PCNT: variants seen among roughly 807,000 people sequenced by gnomAD.
PCNT encodes the protein kendrin.
PCNT carries 319 observed loss-of-function variants against 380.4 expected under a neutral mutation model. The ratio of observed to expected loss-of-function variants is 0.84; its 90% CI spans 0.77 to 0.92. The LOEUF is 0.92. Among genes scored for constraint, PCNT ranks in the 40% least tolerant of loss-of-function variants. The pLI is 0.00. For synonymous variants in PCNT, 1,845 were observed against 1,735.2 expected (o/e 1.06, Z -1.57); for missense variants, 4,400 against 4,255.3 (o/e 1.03, Z -0.95).
chr21:46,360,428 C>T (rs534117645), intron 13 of PCNT, among the ~76,000 whole-genome samples: 2 of 143,444 alleles, frequency 1.4e-5, no homozygotes, highest in East Asian at 2.2e-4. Context: ...GAGGTTTCAC[C>T]GTGTTAGGAT....
rs1211115206 is a variant in PCNT, at chr21:46,422,016, C to G, written c.7071C>G (p.Gly2357=). The part of the protein sequence containing the change: ...FGARLSPGSG[G]PEAQTAGPVT... ...CAAGACTGAGCCCGGGGTCAGGAGG[C>G]CCTGAGGCTCAAACTGCTGGTCCTG... Residue 2357 remains glycine, a synonymous_variant, in exon 32 of 47, where the codon GGC becomes GGG. Coordinates refer to ENST00000359568, the MANE Select transcript of PCNT (RefSeq NM_006031.6). The G allele has an allele frequency of 5.0e-6, 8 of 1,614,022 alleles. No individual in the cohort carries two copies. The highest frequency in any genetic ancestry group is 6.8e-6 in the Non-Finnish European group (8 of 1,180,008).
chr21:46,386,434 G>A lies in PCNT; in HGVS notation c.3464+451G>A, dbSNP rs531959198. Among the ~76,000 whole-genome samples, 106 of 152,336 alleles carry A rather than the reference G, an allele frequency of 7.0e-4. 1 individual carries two copies. The highest frequency in any genetic ancestry group is 3.9e-3 in the Admixed American group (60 of 15,302). On this transcript the variant is annotated intron_variant, in intron 17 of 46. Transcript: ENST00000359568. Reference sequence around the variant, plus strand: ...CTCTGTGACGTGTGTTTCTGAGACCGGCCCAAGCAGGGGCCGTAGCCCTGT... The same window carrying A: ...CTCTGTGACGTGTGTTTCTGAGACCAGCCCAAGCAGGGGCCGTAGCCCTGT...
chr21:46,352,341 C>T (rs148024408), intron 9 of PCNT, among the ~76,000 whole-genome samples: 1 of 152,322 alleles, frequency 6.6e-6, no homozygotes, highest in Non-Finnish European at 1.5e-5. Flanking sequence ...CAGCTGAGAG[C>T]ATGTCGATTT....
At chr21:46,350,378 A>G (rs971855711) in intron 8 of PCNT, among the ~76,000 whole-genome samples, 1 of 152,098 alleles carries the variant, frequency 6.6e-6, no homozygotes, top group South Asian at 2.1e-4. Flanking sequence ...CACATCCTCT[A>G]ACCGTGATCC....
intron 3 of PCNT, among the ~76,000 whole-genome samples, chr21:46,337,756 A>G (rs1459506075): frequency 6.8e-6 from 1 of 148,140 alleles, no homozygotes; most frequent in African/African-American, 2.5e-5. Context: ...CTAGTTTTGT[A>G]TTTTTAGTAG....
chr21:46,354,555 A>G (rs2084403481), intron 11 of PCNT, among the ~76,000 whole-genome samples: 1 of 152,212 alleles, frequency 6.6e-6, no homozygotes, highest in Admixed American at 6.5e-5. Context: ...TGTGGTGCCC[A>G]GCAGTATGTG....
intron 15 of PCNT, 75 bp downstream of exon 15, chr21:46,367,214 A>G (rs1414435066): frequency 1.6e-6 from 2 of 1,277,784 alleles, no homozygotes; most frequent in Non-Finnish European, 2.2e-6. Flanking sequence ...CGCGTGTCAC[A>G]TGTCTGCGTG....
In PCNT at chr21:46,355,437, G is replaced by A. The variant is rs202150884; in HGVS notation, c.1762-15G>A. On this transcript the variant is annotated splice_polypyrimidine_tract_variant and intron_variant, in intron 11 of 46. Coordinates refer to ENST00000359568, the MANE Select transcript of PCNT (RefSeq NM_006031.6). ...TGGCTCACTAACGTGCTTGTCCCAC[G>A]TGGTTTCTCTGTAGGAGAGCCTGCC... 195 of 1,613,140 alleles carry A rather than the reference G, an allele frequency of 1.2e-4. No homozygotes were observed. Among genetic ancestry groups the A allele is most frequent in the African/African-American group, 1.1e-3 (83 of 75,060 alleles).
At chr21:46,332,155 T>C (rs1022111756) in intron 2 of PCNT, among the ~76,000 whole-genome samples, 1 of 152,180 alleles carries the variant, frequency 6.6e-6, no homozygotes, top group East Asian at 1.9e-4. Flanking sequence ...AGCGAGACTT[T>C]ATCTCCAAAA....
intron 27 of PCNT, 139 bp downstream of exon 27, chr21:46,402,622 A>G: frequency 2.3e-6 from 2 of 854,696 alleles, no homozygotes; most frequent in South Asian, 2.8e-5. Flanking sequence ...GACAGTGCAG[A>G]GAGCGCCCGA....
intron 29 of PCNT, among the ~76,000 whole-genome samples, chr21:46,413,380 C>T (rs971623593): frequency 9.9e-5 from 15 of 151,964 alleles, no homozygotes; most frequent in African/African-American, 3.6e-4. Flanking sequence ...GCGTGAGGCC[C>T]CCCTGGGAGA....
At chr21:46,397,239 C>T (rs535378258) in intron 21 of PCNT, 26 bp from the exon 22 acceptor site, 30 of 1,583,542 alleles carry the variant, frequency 1.9e-5, no homozygotes, top group South Asian at 1.8e-4. Context: ...GGGGTGTCCC[C>T]GTGTCTGTCC....
At chr21:46,384,713 G>A (rs367783636) in intron 16 of PCNT, among the ~76,000 whole-genome samples, 5 of 141,458 alleles carry the variant, frequency 3.5e-5, no homozygotes, top group African/African-American at 7.6e-5. Flanking sequence ...TGCGTTGAGC[G>A]GCGGAAACAC....
rs1324171225 is a variant in PCNT, at chr21:46,390,756, C to G, written c.3927C>G (p.His1309Gln). 4 of 1,613,222 alleles carry G rather than the reference C, an allele frequency of 2.5e-6. No homozygotes were observed. The African/African-American group carries it at 5.3e-5, about 22-fold the overall frequency. ...AGACAGCACAGGTTGTCAGGAAGCA[C>G]CAGGAGCTGCTGGAGTGTTTGAAGG... ...NEETAQVVRK[H>Q]QELLECLKEE... The change falls in exon 20 of 47, where the codon CAC becomes CAG. Residue 1309 changes from histidine (H) to glutamine (Q), a missense_variant. Coordinates refer to ENST00000359568, the MANE Select transcript of PCNT (RefSeq NM_006031.6).
At chr21:46,386,378 T>C (rs1350411651) in intron 17 of PCNT, among the ~76,000 whole-genome samples, 1 of 152,252 alleles carries the variant, frequency 6.6e-6, no homozygotes, top group Non-Finnish European at 1.5e-5. Flanking sequence ...TGCTTTGGAC[T>C]GTGTGCAAGT....
intron 21 of PCNT, 71 bp downstream of exon 21, chr21:46,391,447 C>A: frequency 3.2e-6 from 4 of 1,255,628 alleles, no homozygotes; most frequent in Admixed American, 2.1e-5. Context: ...GTTTCCCCAG[C>A]TCCCAAGGAC....
Position 46,355,446 on chromosome 21 carries a change from C to T in PCNT, c.1762-6C>T, listed in dbSNP as rs756097563. The T allele has an allele frequency of 1.9e-6, 3 of 1,613,524 alleles. No homozygotes were observed. Among genetic ancestry groups the T allele is most frequent in the East Asian group, 4.5e-5 (2 of 44,884 alleles). On this transcript the variant is annotated splice_polypyrimidine_tract_variant and splice_region_variant and intron_variant, in intron 11 of 46. Transcript: ENST00000359568. ...AACGTGCTTGTCCCACGTGGTTTCT[C>T]TGTAGGAGAGCCTGCCACGCTTCCA...
At chr21:46,339,922 G>T (rs577020139) in intron 3 of PCNT, among the ~76,000 whole-genome samples, 4 of 152,206 alleles carry the variant, frequency 2.6e-5, no homozygotes, top group East Asian at 1.9e-4. Flanking sequence ...ATCCTAACCA[G>T]TATCTCCATC....
chr21:46,388,942 G>A lies in PCNT; in HGVS notation c.3607+58G>A. The A allele has an allele frequency of 1.3e-6, 2 of 1,542,732 alleles. No homozygotes were observed. Among genetic ancestry groups the A allele is most frequent in the Non-Finnish European group, 1.7e-6 (2 of 1,149,766 alleles). On this transcript the variant is annotated intron_variant, in intron 18 of 46. Coordinates refer to ENST00000359568, the MANE Select transcript of PCNT (RefSeq NM_006031.6). The surrounding 1 kb of genome is among the most constrained non-coding windows in gnomAD (Gnocchi z 4.2). ...TGCTTGCAGCCCCTCTGTGGTCCTG[G>A]AGCTCTCTGAGAGGAGCCTCCGTAT...
Sources: gnomAD v4.1 joint callset for allele counts (sites outside exome capture counted in the v4.1 genomes callset) on GRCh38, gnomAD v4.1.1 for gene constraint, Gnocchi (gnomAD v3.1) non-coding constraint, MANE v1.5 for transcripts, NCBI Gene and HGNC (gene_info 2026-07-23, HGNC 2026-07-21) for gene names.